The following L3MBTL1 variants were observed in gnomAD, a reference collection of about 807,000 sequenced individuals.
The protein encoded by L3MBTL1 is L3MBTL histone methyl-lysine binding protein 1.
A neutral mutation model predicts 105.3 loss-of-function variants in L3MBTL1; 75 were observed. The ratio of observed to expected loss-of-function variants is 0.71; its 90% confidence interval spans 0.59 to 0.86. The LOEUF is 0.86. Among genes scored for constraint, L3MBTL1 ranks in the 40% least tolerant of loss-of-function variants. The probability of loss-of-function intolerance (pLI) is 0.00; values close to 1 mark genes in which losing one functional copy is unlikely to be tolerated. For missense variants in L3MBTL1, 1,069 were observed against 1,126.4 expected, an observed-to-expected ratio of 0.95 and a Z score of 0.73; for synonymous variants, 452 against 436.2, an observed-to-expected ratio of 1.04 and a Z score of -0.45.
chr20:43,528,545 C>A, intron 7 of L3MBTL1, 112 bp from the exon 8 acceptor site: 1 of 770,936 alleles, frequency 1.3e-6, no homozygotes. Flanking sequence ...TACATGTGAA[C>A]ACAGACAAAG....
At chr20:43,521,064 G>A (rs1003960987) in intron 7 of L3MBTL1, among the ~76,000 whole-genome samples, 7 of 152,190 alleles carry the variant, frequency 4.6e-5, no homozygotes, top group South Asian at 4.1e-4. Flanking sequence ...GTTCCCAGGC[G>A]TAGATCCCTA....
chr20:43,515,433 G>A lies in L3MBTL1; in HGVS notation c.777+18G>A. 7.7e-6 allele frequency: 12 copies of A among 1,550,098 alleles called. No individual in the cohort carries two copies. The highest frequency in any genetic ancestry group is 1.0e-5 in the Non-Finnish European group (12 of 1,145,010). Reference sequence around the variant, plus strand: ...AGGCCATGGTAGGAAGAGGGCAGTGGGGAAGGGAGGGGGAAGCTATAGCCT... The same window carrying A: ...AGGCCATGGTAGGAAGAGGGCAGTGAGGAAGGGAGGGGGAAGCTATAGCCT... On this transcript the variant is annotated intron_variant, in intron 6 of 21. Transcript: ENST00000418998.
chr20:43,533,119 A>G (rs1046287102), intron 12 of L3MBTL1, among the ~76,000 whole-genome samples, 195 bp downstream of exon 12: 2 of 152,326 alleles, frequency 1.3e-5, no homozygotes, highest in East Asian at 1.9e-4. Context: ...TAAAAATACC[A>G]TGGTTAAGAT....
chr20:43,542,931 G>A (rs1218063058), downstream of L3MBTL1, among the ~76,000 whole-genome samples: 2 of 152,132 alleles, frequency 1.3e-5, no homozygotes, highest in African/African-American at 4.8e-5. Context: ...GTCAACATTA[G>A]GGTTATTTTC....
intron 9 of L3MBTL1, 120 bp downstream of exon 9, chr20:43,529,488 G>A: frequency 1.4e-6 from 1 of 714,744 alleles, no homozygotes. Context: ...TCTAGTAGTG[G>A]ATGAAGCTGG....
intron 7 of L3MBTL1, among the ~76,000 whole-genome samples, chr20:43,525,872 G>A (rs552468283): frequency 1.7e-4 from 26 of 152,300 alleles, no homozygotes; most frequent in African/African-American, 6.3e-4. Context: ...ACCAGACATG[G>A]CACACAGGTT....
chr20:43,539,758 T>A, intron 19 of L3MBTL1: 2 of 302,594 alleles, frequency 6.6e-6, no homozygotes, highest in Non-Finnish European at 1.3e-5. Context: ...GTAAACAGAG[T>A]GGACTTCTGA....
intron 1 of L3MBTL1, among the ~76,000 whole-genome samples, chr20:43,511,307 T>A (rs2088440004): frequency 6.6e-6 from 1 of 152,218 alleles, no homozygotes; most frequent in Non-Finnish European, 1.5e-5. Flanking sequence ...TACTAAGTGT[T>A]GGGGATACAG....
intron 1 of L3MBTL1, among the ~76,000 whole-genome samples, chr20:43,511,085 T>G (rs1003823713): frequency 4.0e-5 from 6 of 151,314 alleles, no homozygotes; most frequent in African/African-American, 1.5e-4. Context: ...TTGCTCTGTC[T>G]CCCAGGCTGG....
At chr20:43,546,461 G>A (rs1978605688), downstream of L3MBTL1, among the ~76,000 whole-genome samples, 1 of 152,220 alleles carries the variant, frequency 6.6e-6, no homozygotes, top group Non-Finnish European at 1.5e-5. Flanking sequence ...TCGAGATAAT[G>A]CTGGTATTGC....
At position 43,514,783 on chromosome 20, in the gene L3MBTL1, GC is replaced by G; in HGVS notation, c.502+11del. On this transcript the variant is annotated splice_region_variant and intron_variant, in intron 4 of 21. Coordinates refer to ENST00000418998, the MANE Select transcript of L3MBTL1 (RefSeq NM_001377303.1). ...GCGGGCCCCCAACAGGCGGGTAGGA[GC>G]CCCGCTCCCCAGGCCCTGAGCTGGG... The G allele has an allele frequency of 6.5e-7, 1 of 1,543,332 alleles. No homozygotes were observed. Among genetic ancestry groups the G allele is most frequent in the Non-Finnish European group, 8.8e-7 (1 of 1,142,632 alleles).
In L3MBTL1 at chr20:43,530,312, T is replaced by A; in HGVS notation, c.1085T>A (p.Phe362Tyr). 6.2e-7 allele frequency: 1 copy of A among 1,614,076 alleles called. No homozygotes were observed. The highest frequency in any genetic ancestry group is 8.5e-7 in the Non-Finnish European group (1 of 1,179,996). ...EVCGYRLRLH[F>Y]DGYSECHDFW... The stretch of plus-strand genomic sequence containing the variant: ...TGTGGCTATCGCCTACGCCTGCACT[T>A]TGATGGGTATTCTGAGTGCCATGAC... The change falls in exon 10 of 22, where the codon TTT becomes TAT. Residue 362 changes from phenylalanine to tyrosine, a missense_variant. By Grantham distance (22) the Phe-to-Tyr change is conservative (BLOSUM62 3). Coordinates refer to ENST00000418998, the MANE Select transcript of L3MBTL1 (RefSeq NM_001377303.1).
Position 43,540,302 on chromosome 20 carries a change from C to T in L3MBTL1, c.2325C>T (p.Ile775=), listed in dbSNP as rs1415240201. ...ISASTVAKWT[I]DEVFGFVQTL... is the part of the protein sequence containing the mutation. ...CCTCGACAGTCGCCAAGTGGACCAT[C>T]GATGAGGTGAGGAGCGAGGGCCCTT... Residue 775 remains isoleucine (I), a synonymous_variant, in exon 20 of 22, where the codon ATC becomes ATT. Transcript: ENST00000418998. The T allele has an allele frequency of 2.5e-6, 4 of 1,613,576 alleles. No homozygotes were observed. The highest frequency in any genetic ancestry group is 1.1e-5 in the South Asian group (1 of 91,074).
intron 1 of L3MBTL1, among the ~76,000 whole-genome samples, chr20:43,510,106 T>G (rs1175084371): frequency 6.6e-6 from 1 of 152,176 alleles, no homozygotes; most frequent in Non-Finnish European, 1.5e-5. Flanking sequence ...CTCAAGTGAT[T>G]GGCCTCCCAA....
At position 43,534,083 on chromosome 20, in the gene L3MBTL1, C is replaced by G; in HGVS notation, c.1589C>G (p.Ala530Gly). 6.2e-7 allele frequency: 1 copy of G among 1,613,072 alleles called. No homozygotes were observed. Among genetic ancestry groups the G allele is most frequent in the Non-Finnish European group, 8.5e-7 (1 of 1,179,054 alleles). Residue 530 changes from alanine (A) to glycine (G), a missense_variant, in exon 14 of 22, where the codon GCC becomes GGC. Coordinates refer to ENST00000418998, the MANE Select transcript of L3MBTL1 (RefSeq NM_001377303.1). ...ETGASAVPTW[A>G]FKVRPPHSFL... ...GGGGCCTCTGCTGTCCCCACCTGGG[C>G]CTTCAAGGTGGTGAGTCAGTGCTCC... is the stretch of plus-strand genomic sequence containing the variant.
intron 18 of L3MBTL1, among the ~76,000 whole-genome samples, chr20:43,547,405 A>G (rs1432908859): frequency 6.6e-6 from 1 of 152,116 alleles, no homozygotes; most frequent in Non-Finnish European, 1.5e-5. Context: ...CGCCCGGCCA[A>G]TTGACATTTT....
At chr20:43,547,347 G>T (rs972571772) in intron 18 of L3MBTL1, among the ~76,000 whole-genome samples, 2 of 151,924 alleles carry the variant, frequency 1.3e-5, no homozygotes, top group South Asian at 2.1e-4. Flanking sequence ...CTCATGATCC[G>T]CCCGCCTCTG....
chr20:43,511,201 T>A (rs2018126948), intron 1 of L3MBTL1, among the ~76,000 whole-genome samples: 1 of 152,182 alleles, frequency 6.6e-6, no homozygotes, highest in Non-Finnish European at 1.5e-5. Flanking sequence ...TACAGGCACA[T>A]GGCACCAAGC....
At chr20:43,547,896 G>T (rs989996416) in intron 18 of L3MBTL1, among the ~76,000 whole-genome samples, 1 of 152,080 alleles carries the variant, frequency 6.6e-6, no homozygotes, top group Non-Finnish European at 1.5e-5. Context: ...TTCCTTCTCC[G>T]TCCCCATTGC....
Sources: allele counts gnomAD v4.1 joint callset (sites outside exome capture counted in the v4.1 genomes callset), GRCh38; gene constraint gnomAD v4.1.1; transcripts MANE v1.5; gene names NCBI Gene and HGNC (gene_info 2026-07-23, HGNC 2026-07-21).